The following PDZD2 variants were observed in gnomAD, a reference collection of about 807,000 sequenced individuals.
PDZD2 encodes the protein PDZ domain containing 2.
In PDZD2, 90 loss-of-function variants were observed where a neutral mutation model predicts 220.7. That is an observed-to-expected ratio of 0.41 (90% CI 0.34 to 0.49). The LOEUF (loss-of-function observed/expected upper bound fraction) is 0.49, where lower values mean the gene tolerates loss of function less well. PDZD2 is among the 20% of genes least tolerant of loss of function. PDZD2 has a pLI of 0.28. For missense variants in PDZD2, 3,174 were observed against 3,608.5 expected (o/e 0.88, Z 3.08); for synonymous variants, 1,375 against 1,450.5 (o/e 0.95, Z 1.18).
intron 1 of PDZD2, among the ~76,000 whole-genome samples, chr5:31,783,859 G>A (rs763889034): frequency 6.6e-6 from 1 of 152,148 alleles, no homozygotes; most frequent in East Asian, 1.9e-4. Context: ...CAATTTCCTG[G>A]AGAAAGGCTT....
intron 2 of PDZD2, among the ~76,000 whole-genome samples, chr5:31,976,707 CTTCTTTCTTTTT>C (rs1749799722): frequency 8.2e-6 from 1 of 121,656 alleles, no homozygotes; most frequent in African/African-American, 3.1e-5. Flanking sequence ...TCCTTTTTTT[CTTCTTTCTTTTT>C]TTTTTTTTTT....
chr5:31,653,310 G>A (rs1346080547), intron 1 of PDZD2, among the ~76,000 whole-genome samples: 1 of 152,096 alleles, frequency 6.6e-6, no homozygotes, highest in Non-Finnish European at 1.5e-5. Flanking sequence ...GTTTGATGCT[G>A]TGACTCAAGT....
intron 2 of PDZD2, among the ~76,000 whole-genome samples, chr5:31,898,892 A>ATC (rs2150356087): frequency 7.4e-6 from 1 of 135,080 alleles, no homozygotes; most frequent in South Asian, 2.4e-4. Context: ...TGCAGTGGCG[A>ATC]TCTCGGCTCA....
At chr5:31,665,199 TCTC>T (rs557871232) in intron 1 of PDZD2, 3 of 150,544 alleles carry the variant, frequency 2.0e-5, no homozygotes, top group East Asian at 2.0e-4. Flanking sequence ...TTTCCCCTCT[TCTC>T]CTCCTGAGCT....
At chr5:31,926,125 G>A (rs1744732326) in intron 2 of PDZD2, among the ~76,000 whole-genome samples, 1 of 151,970 alleles carries the variant, frequency 6.6e-6, no homozygotes, top group South Asian at 2.1e-4. Context: ...GGAAGCTGTG[G>A]CAGGGGATCC....
At position 31,989,423 on chromosome 5, in the gene PDZD2, T is replaced by TTTTTTTTTTTTTTTTATTTTTTTTA. The variant is rs1751014881; in HGVS notation, c.978+5782_978+5783insATTTTTTTTATTTTTTTTTTTTTTT. Among the ~76,000 whole-genome samples the TTTTTTTTTTTTTTTTATTTTTTTTA allele has an allele frequency of 5.6e-4, 75 of 134,712 alleles. 3 individuals carry two copies. The highest frequency in any genetic ancestry group is 2.4e-3 in the African/African-American group (73 of 30,014). 88.4% of individuals were successfully genotyped at this position (134,712 alleles called of 152,430 possible). A position where few individuals can be genotyped will look rare whatever the true frequency, so the allele number is the denominator to read the frequency against. On this transcript the variant is annotated intron_variant, in intron 3 of 24. Coordinates refer to ENST00000438447, the MANE Select transcript of PDZD2 (RefSeq NM_178140.4). Reference sequence around the variant, plus strand: ...TGGTATATACCACATTTTCTTTTCTTTTTTTTTTTTTTTTTTTGAGACGAA... The same window carrying TTTTTTTTTTTTTTTTATTTTTTTTA: ...TGGTATATACCACATTTTCTTTTCTTTTTTTTTTTTTTTTTATTTTTTTTATTTTTTTTTTTTTTTTTGAGACGAA...
At chr5:31,910,567 A>G (rs1169035537) in intron 2 of PDZD2, among the ~76,000 whole-genome samples, 1 of 151,568 alleles carries the variant, frequency 6.6e-6, no homozygotes, top group African/African-American at 2.4e-5. Flanking sequence ...ATTTTTTTGT[A>G]TTTTTAGTAG....
chr5:31,942,506 A>G (rs866985322), intron 2 of PDZD2, among the ~76,000 whole-genome samples: 9 of 152,132 alleles, frequency 5.9e-5, no homozygotes, highest in Admixed American at 3.3e-4. Context: ...GTTTCACTCT[A>G]TTGCCCAAAC....
chr5:31,868,760 C>T (rs149747436), intron 2 of PDZD2, among the ~76,000 whole-genome samples: 34 of 152,090 alleles, frequency 2.2e-4, no homozygotes, highest in Non-Finnish European at 4.1e-4. Context: ...ATGAGGCTTG[C>T]GTTAAAGGTG....
chr5:32,086,321 C>T (rs896675854), intron 19 of PDZD2, among the ~76,000 whole-genome samples: 1 of 152,182 alleles, frequency 6.6e-6, no homozygotes, highest in Non-Finnish European at 1.5e-5. Context: ...GCTGCATCCA[C>T]GCAGGAGTAG....
intron 2 of PDZD2, among the ~76,000 whole-genome samples, chr5:31,813,324 T>C (rs1344676296): frequency 5.3e-4 from 80 of 151,638 alleles, no homozygotes; most frequent in African/African-American, 1.9e-3. Flanking sequence ...GTGGCAGGCG[T>C]CTATAGTCCC....
At chr5:31,820,868 A>T (rs1365919019) in intron 2 of PDZD2, among the ~76,000 whole-genome samples, 1 of 151,918 alleles carries the variant, frequency 6.6e-6, no homozygotes, top group African/African-American at 2.4e-5. Flanking sequence ...CTCATTTTGT[A>T]GTTTTAATTT....
chr5:31,864,782 G>A (rs1335813727), intron 2 of PDZD2, among the ~76,000 whole-genome samples: 2 of 149,756 alleles, frequency 1.3e-5, no homozygotes, highest in Non-Finnish European at 3.0e-5. Flanking sequence ...CCAAAGTGCT[G>A]GGATTATAGG....
chr5:31,804,041 T>C (rs1442154685), intron 2 of PDZD2, among the ~76,000 whole-genome samples: 2 of 127,402 alleles, frequency 1.6e-5, no homozygotes, highest in Non-Finnish European at 3.3e-5. Flanking sequence ...AGACCCTGCG[T>C]CCAAAAAAAA....
At chr5:31,672,231 G>A (rs1362807426) in intron 1 of PDZD2, among the ~76,000 whole-genome samples, 1 of 152,186 alleles carries the variant, frequency 6.6e-6, no homozygotes, top group Non-Finnish European at 1.5e-5. Context: ...TGGGGGTCTT[G>A]TTAAAATGCA....
At chr5:31,757,333 G>A (rs1447328388) in intron 1 of PDZD2, among the ~76,000 whole-genome samples, 2 of 151,560 alleles carry the variant, frequency 1.3e-5, no homozygotes, top group Non-Finnish European at 1.5e-5. Flanking sequence ...GGCTCACGCC[G>A]GTAATCCCAG....
chr5:32,008,648 T>G (rs111494224), intron 5 of PDZD2, among the ~76,000 whole-genome samples: 1,951 of 152,174 alleles, frequency 0.013, 34 homozygotes, highest in African/African-American at 0.042. Flanking sequence ...AAGGAGGAGA[T>G]CATGGATATG....
At chr5:31,849,893 TATATATATATAC>T (rs1297454018) in intron 2 of PDZD2, among the ~76,000 whole-genome samples, 3 of 28,570 alleles carry the variant, frequency 1.1e-4, no homozygotes, top group African/African-American at 8.3e-4. Context: ...TATATACACA[TATATATATATAC>T]ATATATATAT....
At chr5:31,954,756 G>A (rs1187502642) in intron 2 of PDZD2, among the ~76,000 whole-genome samples, 2 of 151,994 alleles carry the variant, frequency 1.3e-5, no homozygotes, top group Non-Finnish European at 2.9e-5. Context: ...GTGAAACCCC[G>A]TCTCTACTAA....
Sources: gnomAD v4.1 joint callset for allele counts (sites outside exome capture counted in the v4.1 genomes callset) on GRCh38, gnomAD v4.1.1 for gene constraint, MANE v1.5 for transcripts, NCBI Gene and HGNC (gene_info 2026-07-23, HGNC 2026-07-21) for gene names.